The following WWOX variants were observed in gnomAD, a reference collection of about 807,000 sequenced individuals.
The protein encoded by WWOX is WW domain containing oxidoreductase.
WWOX carries 69 observed loss-of-function variants against 46.2 expected under a neutral mutation model. The observed-to-expected ratio is 1.49, with a 90% CI of 1.23 to 1.82. The LOEUF is 1.82. Among genes scored for constraint, WWOX ranks in the 40% most tolerant of loss-of-function variants. The pLI is 0.00. For synonymous variants in WWOX, 359 were observed against 202.6 expected (o/e 1.77, Z -6.56); for missense variants, 919 against 542.6 (o/e 1.69, Z -6.89).
intron 8 of WWOX, among the ~76,000 whole-genome samples, chr16:78,508,440 G>T (rs1453396437): frequency 6.7e-6 from 1 of 149,984 alleles, no homozygotes; most frequent in African/African-American, 2.5e-5. Flanking sequence ...TTGGACACCT[G>T]TAAACAAAAA....
At chr16:78,411,689 C>T (rs1020259826) in intron 6 of WWOX, among the ~76,000 whole-genome samples, 1 of 152,052 alleles carries the variant, frequency 6.6e-6, no homozygotes, top group African/African-American at 2.4e-5. Context: ...AGGCTTTAAC[C>T]AGTATTCATA....
chr16:78,904,451 A>T (rs1394142395), intron 8 of WWOX, among the ~76,000 whole-genome samples: 3 of 151,654 alleles, frequency 2.0e-5, no homozygotes, highest in Non-Finnish European at 4.4e-5. Flanking sequence ...GTTGGCCAGG[A>T]TGGTCTTCTT....
intron 8 of WWOX, among the ~76,000 whole-genome samples, chr16:78,676,727 C>T (rs1391191687): frequency 6.6e-6 from 1 of 152,178 alleles, no homozygotes; most frequent in Admixed American, 6.5e-5. Context: ...AAGTTCTCAT[C>T]ATTTATACTC....
chr16:79,208,990 T>A (rs1271110933), intron 8 of WWOX, among the ~76,000 whole-genome samples: 1 of 152,208 alleles, frequency 6.6e-6, no homozygotes, highest in African/African-American at 2.4e-5. Context: ...GGTGGACGAT[T>A]GATTTTTGGA....
At position 78,416,677 on chromosome 16, in the gene WWOX, G is replaced by A. The variant is rs113877886; in HGVS notation, c.606-8193G>A. On this transcript the variant is annotated intron_variant, in intron 6 of 8. Transcript: ENST00000566780. ...CATTGTTGTTATTGAGAAGTATGAA[G>A]TTAAAATTCCCAATGTCCAGGCCTG... 2.1e-3 allele frequency among the ~76,000 whole-genome samples: 326 copies of A among 152,246 alleles called. 2 individuals are homozygous for A. The highest frequency in any genetic ancestry group is 7.7e-3 in the African/African-American group (319 of 41,542).
chr16:78,676,143 A>C (rs2047593662), intron 8 of WWOX, among the ~76,000 whole-genome samples: 1 of 151,960 alleles, frequency 6.6e-6, no homozygotes, highest in Non-Finnish European at 1.5e-5. Flanking sequence ...AGAGCCCCCA[A>C]GGGTTCAAAT....
At chr16:78,796,428 C>T in intron 8 of WWOX, among the ~76,000 whole-genome samples, 1 of 152,176 alleles carries the variant, frequency 6.6e-6, no homozygotes, top group African/African-American at 2.4e-5. Flanking sequence ...CACCTGCTTC[C>T]CATTGGCCAG....
Position 78,516,331 on chromosome 16 carries a change from C to A in WWOX, c.1056+83579C>A, listed in dbSNP as rs140537276. Among the ~76,000 whole-genome samples, 777 of 152,238 alleles carry A rather than the reference C, an allele frequency of 5.1e-3. 2 individuals are homozygous for A. The highest frequency in any genetic ancestry group is 8.0e-3 in the Non-Finnish European group (543 of 68,028). Reference sequence around the variant, plus strand: ...TGCTCTTTGCTTGGTTTTCCCTGGACGGTCACAAACATACCTCCAGGTCAA... The same window carrying A: ...TGCTCTTTGCTTGGTTTTCCCTGGAAGGTCACAAACATACCTCCAGGTCAA... On this transcript the variant is annotated intron_variant, in intron 8 of 8. Transcript: ENST00000566780.
intron 8 of WWOX, among the ~76,000 whole-genome samples, chr16:79,111,415 T>G (rs1175880855): frequency 6.6e-6 from 1 of 152,248 alleles, no homozygotes; most frequent in Non-Finnish European, 1.5e-5. Context: ...CCTAATCGTT[T>G]ACTGGTTTGG....
intron 8 of WWOX, among the ~76,000 whole-genome samples, chr16:78,640,594 T>C (rs2046684018): frequency 6.6e-6 from 1 of 152,090 alleles, no homozygotes. Context: ...TTTACCTATG[T>C]AACAAACCTA....
intron 8 of WWOX, among the ~76,000 whole-genome samples, chr16:78,700,693 C>T (rs2048195938): frequency 6.6e-6 from 1 of 152,134 alleles, no homozygotes; most frequent in Non-Finnish European, 1.5e-5. Flanking sequence ...CCTGGGCCTG[C>T]AGTGAGCCTG....
At chr16:79,038,438 G>C (rs930073702) in intron 8 of WWOX, among the ~76,000 whole-genome samples, 6 of 152,036 alleles carry the variant, frequency 3.9e-5, no homozygotes, top group African/African-American at 1.2e-4. Flanking sequence ...ACATGCCCTA[G>C]ACATGCACAG....
chr16:78,621,603 T>A (rs957551662), intron 8 of WWOX, among the ~76,000 whole-genome samples: 2 of 104,472 alleles, frequency 1.9e-5, no homozygotes, highest in African/African-American at 7.7e-5. Flanking sequence ...TTTTTTTTTT[T>A]TTTTTTTTTT....
intron 5 of WWOX, among the ~76,000 whole-genome samples, chr16:78,295,313 G>A (rs7203354): frequency 0.012 from 1,887 of 152,254 alleles, 46 homozygotes; most frequent in African/African-American, 0.043. Context: ...AGCAGTTGGC[G>A]AGTTTAAGAG....
chr16:78,808,308 C>G (rs1352867119), intron 8 of WWOX, among the ~76,000 whole-genome samples: 1 of 152,232 alleles, frequency 6.6e-6, no homozygotes, highest in Non-Finnish European at 1.5e-5. Context: ...GGAACAACTA[C>G]TGTATGGCCA....
rs562572757 is a variant in WWOX at position 78,479,832 on chromosome 16, A to T, written c.1056+47080A>T. ...CAAACTATGAATGAAAGCCAGGCTG[A>T]GGCTGGCACCAAGTAGAGGCCTCCA... On this transcript the variant is annotated intron_variant, in intron 8 of 8. Transcript: ENST00000566780. 1.2e-3 allele frequency among the ~76,000 whole-genome samples: 180 copies of T among 152,332 alleles called. 1 individual carries two copies. The highest frequency in any genetic ancestry group is 2.3e-3 in the Non-Finnish European group (154 of 68,026).
At position 78,867,567 on chromosome 16, in the gene WWOX, G is replaced by A. The variant is rs1292278351; in HGVS notation, c.1057-344041G>A. 5.3e-5 allele frequency among the ~76,000 whole-genome samples: 8 copies of A among 151,332 alleles called. No individual in the cohort carries two copies. In the Admixed American group the frequency reaches 5.3e-4, roughly 10 times the overall value. ...TGTTTTTGTTTTTTTTTAAGACGGA[G>A]CTTTGCTCTTTCACCCAGGCTGGAG... On this transcript the variant is annotated intron_variant, in intron 8 of 8. Transcript: ENST00000566780.
chr16:78,760,835 G>C (rs1459922568), intron 8 of WWOX, among the ~76,000 whole-genome samples: 1 of 152,176 alleles, frequency 6.6e-6, no homozygotes, highest in East Asian at 1.9e-4. Context: ...AAAGAAAGAG[G>C]TTTAATGAAC....
At chr16:78,542,784 T>C (rs1301607578) in intron 8 of WWOX, among the ~76,000 whole-genome samples, 1 of 152,186 alleles carries the variant, frequency 6.6e-6, no homozygotes, top group Non-Finnish European at 1.5e-5. Context: ...GGTAATAAGC[T>C]CCAAGTGCTT....
Sources: allele counts gnomAD v4.1 joint callset (sites outside exome capture counted in the v4.1 genomes callset), GRCh38; gene constraint gnomAD v4.1.1; transcripts MANE v1.5; gene names NCBI Gene and HGNC (gene_info 2026-07-23, HGNC 2026-07-21).